Variants in MEGF11 observed in about 807,000 individuals in gnomAD.
MEGF11 encodes multiple epidermal growth factor-like domains protein 11.
In MEGF11, 126 loss-of-function variants were observed where a neutral mutation model predicts 146.6. That is an observed-to-expected ratio of 0.86 (90% CI 0.74 to 1.00). The LOEUF (loss-of-function observed/expected upper bound fraction) is 1.00, where lower values mean the gene tolerates loss of function less well. Among genes scored for constraint, MEGF11 ranks in the 50% least tolerant of loss-of-function variants. The pLI, the probability that MEGF11 is intolerant of heterozygous loss-of-function variation, is 0.00. For synonymous variants in MEGF11, 532 were observed against 583.4 expected, an observed-to-expected ratio of 0.91 and a Z score of 1.27; for missense variants, 1,509 against 1,521.2, an observed-to-expected ratio of 0.99 and a Z score of 0.13.
intron 2 of MEGF11, among the ~76,000 whole-genome samples, chr15:66,126,025 T>A (rs2088322126): frequency 6.6e-6 from 1 of 152,170 alleles, no homozygotes; most frequent in South Asian, 2.1e-4. Flanking sequence ...CATGGCTGGG[T>A]GGCTTAACAC....
intron 1 of MEGF11, among the ~76,000 whole-genome samples, chr15:66,133,397 A>T (rs2088741715): frequency 6.6e-6 from 1 of 152,238 alleles, no homozygotes; most frequent in African/African-American, 2.4e-5. Context: ...GAGCTGATAA[A>T]GCAAACGCCT....
At chr15:66,125,891 G>A (rs2088311997) in intron 2 of MEGF11, among the ~76,000 whole-genome samples, 1 of 152,100 alleles carries the variant, frequency 6.6e-6, no homozygotes, top group Admixed American at 6.5e-5. Context: ...CCCAGCAGAG[G>A]GCTGGAGGGG....
At position 65,929,729 on chromosome 15, in the gene MEGF11, C is replaced by G. The variant is rs771790172; in HGVS notation, c.1563G>C (p.Leu521=). Residue 521 remains leucine, a synonymous_variant, in exon 12 of 26, where the codon CTG becomes CTC. Coordinates refer to ENST00000395614, the MANE Select transcript of MEGF11 (RefSeq NM_001385028.1). ...TPGWLGDTCE[L]PCPDGTFGLN... ...CCACCCTGGCACTCACCGGGCAAGGCAGCTCACAGGTGTCTCCCAGCCAGC... is the reference window on the plus strand; with the variant it reads ...CCACCCTGGCACTCACCGGGCAAGGGAGCTCACAGGTGTCTCCCAGCCAGC... 6.4e-7 allele frequency: 1 copy of G among 1,551,296 alleles called. No homozygotes were observed. The highest frequency in any genetic ancestry group is 8.7e-7 in the Non-Finnish European group (1 of 1,146,824).
In MEGF11 at chr15:65,970,282, G is replaced by A. The variant is rs2081259592; in HGVS notation, c.899+271C>T. Among the ~76,000 whole-genome samples the A allele has an allele frequency of 1.3e-5, 2 of 152,330 alleles. 1 individual carries two copies. The highest frequency in any genetic ancestry group is 4.1e-4 in the South Asian group (2 of 4,832). On this transcript the variant is annotated intron_variant, in intron 8 of 25. Coordinates refer to ENST00000395614, the MANE Select transcript of MEGF11 (RefSeq NM_001385028.1). ...TTGCCTCCCTCTATGAGTGCAGAGA[G>A]TAGAGAGTGGGGGCAGGTGCTCACC...
At chr15:66,119,975 T>G (rs964490189) in intron 3 of MEGF11, among the ~76,000 whole-genome samples, 6 of 152,322 alleles carry the variant, frequency 3.9e-5, no homozygotes, top group Non-Finnish European at 8.8e-5. Context: ...TTTCTTTCTC[T>G]TTTAGAGCTT....
intron 5 of MEGF11, among the ~76,000 whole-genome samples, chr15:66,030,086 T>G (rs184062811): frequency 6.6e-6 from 1 of 152,338 alleles, no homozygotes; most frequent in Admixed American, 6.5e-5. Context: ...TCAGCAATCT[T>G]GCTTCTGACA....
intron 15 of MEGF11, 79 bp downstream of exon 15, chr15:65,922,259 C>G (rs2079194877): frequency 6.5e-7 from 1 of 1,534,780 alleles, no homozygotes; most frequent in Non-Finnish European, 8.8e-7. Context: ...ATGAAAATCC[C>G]CAAGCCCTTC....
At chr15:66,185,977 T>C (rs984378093) in intron 1 of MEGF11, among the ~76,000 whole-genome samples, 1 of 152,220 alleles carries the variant, frequency 6.6e-6, no homozygotes, top group South Asian at 2.1e-4. Context: ...ATCATTTCCC[T>C]GCCTGAATCC....
chr15:66,079,080 T>C (rs1432168448), intron 5 of MEGF11, among the ~76,000 whole-genome samples: 6 of 152,154 alleles, frequency 3.9e-5, no homozygotes, highest in Non-Finnish European at 7.4e-5. Flanking sequence ...TCTTCCCTGG[T>C]CTGAGGGGCA....
At chr15:66,082,978 G>C (rs1433153083) in intron 5 of MEGF11, among the ~76,000 whole-genome samples, 1 of 152,150 alleles carries the variant, frequency 6.6e-6, no homozygotes, top group Non-Finnish European at 1.5e-5. Context: ...CAGGGACCCA[G>C]GCCCCCATCC....
At chr15:66,136,599 A>C (rs1303197638) in intron 1 of MEGF11, among the ~76,000 whole-genome samples, 1 of 152,254 alleles carries the variant, frequency 6.6e-6, no homozygotes, top group Non-Finnish European at 1.5e-5. Flanking sequence ...ATGTTCTAAA[A>C]AAAGGTTGTC....
intron 1 of MEGF11, among the ~76,000 whole-genome samples, chr15:66,146,456 A>G (rs925461321): frequency 6.6e-6 from 1 of 152,240 alleles, no homozygotes; most frequent in African/African-American, 2.4e-5. Context: ...GAGATAAACC[A>G]AAGGCCACCG....
intron 10 of MEGF11, among the ~76,000 whole-genome samples, chr15:65,947,421 G>A (rs1045446553): frequency 3.3e-5 from 5 of 152,106 alleles, no homozygotes; most frequent in Non-Finnish European, 7.4e-5. Context: ...CTGTCTCCTG[G>A]GGCTGGTGTA....
chr15:66,047,424 A>G (rs2084254571), intron 5 of MEGF11, among the ~76,000 whole-genome samples: 1 of 152,264 alleles, frequency 6.6e-6, no homozygotes, highest in East Asian at 1.9e-4. Flanking sequence ...TTCCTCATCT[A>G]CAAGATGGGA....
At chr15:66,124,812 C>T (rs887025171) in intron 2 of MEGF11, among the ~76,000 whole-genome samples, 7 of 152,248 alleles carry the variant, frequency 4.6e-5, no homozygotes, top group African/African-American at 1.7e-4. Context: ...CCTGCTGGCC[C>T]CTGGCAGGGG....
At chr15:65,926,171 T>C (rs2079364926) in intron 13 of MEGF11, among the ~76,000 whole-genome samples, 1 of 152,240 alleles carries the variant, frequency 6.6e-6, no homozygotes, top group East Asian at 1.9e-4. Flanking sequence ...ATATAAAGGC[T>C]TGGTAATTGC....
intron 13 of MEGF11, among the ~76,000 whole-genome samples, chr15:65,925,902 G>T (rs2079356328): frequency 6.6e-6 from 1 of 152,194 alleles, no homozygotes; most frequent in East Asian, 1.9e-4. Context: ...GCAGCATACA[G>T]CTTTGTCTCT....
Position 65,909,783 on chromosome 15 carries a change from T to G in MEGF11, c.2853A>C (p.Arg951Ser). The G allele has an allele frequency of 6.3e-7, 1 of 1,584,266 alleles. No homozygotes were observed. Among genetic ancestry groups the G allele is most frequent in the Non-Finnish European group, 8.5e-7 (1 of 1,172,882 alleles). ...PTKLSNKSLD[R>S]DTAGWTPYSY... Reference sequence around the variant, plus strand: ...TGTAGGGGGTCCAGCCTGCTGTGTCTCTGTCAAGGGACTTGTTACTGAGCT... The same window carrying G: ...TGTAGGGGGTCCAGCCTGCTGTGTCGCTGTCAAGGGACTTGTTACTGAGCT... The change falls in exon 22 of 26, where the codon AGA becomes AGC. Residue 951 changes from arginine (R) to serine (S), a missense_variant. Transcript: ENST00000395614.
intron 1 of MEGF11, among the ~76,000 whole-genome samples, chr15:66,211,682 C>T (rs980897271): frequency 2.0e-5 from 3 of 151,622 alleles, no homozygotes; most frequent in African/African-American, 4.8e-5. Flanking sequence ...TCTGATTGGT[C>T]GGTGCTATGA....
Sources: gnomAD v4.1 joint callset for allele counts (sites outside exome capture counted in the v4.1 genomes callset) on GRCh38, gnomAD v4.1.1 for gene constraint, MANE v1.5 for transcripts, NCBI Gene and HGNC (gene_info 2026-07-23, HGNC 2026-07-21) for gene names.